ENTPD4: variants seen among roughly 807,000 people sequenced by gnomAD.
The protein encoded by ENTPD4 is Golgi UDPase.
In ENTPD4, 60 loss-of-function variants were observed where a neutral mutation model predicts 79.1. The observed-to-expected ratio is 0.76, with a 90% CI of 0.62 to 0.94. The LOEUF (loss-of-function observed/expected upper bound fraction) is 0.94, where lower values mean the gene tolerates loss of function less well. Ranked by LOEUF, ENTPD4 falls within the 40% of genes least tolerant of loss-of-function variation. The probability of loss-of-function intolerance (pLI) is 0.00; values close to 1 mark genes in which losing one functional copy is unlikely to be tolerated. For synonymous variants in ENTPD4, 276 were observed against 292.0 expected (o/e 0.95, Z 0.56); for missense variants, 772 against 775.1 (o/e 1.00, Z 0.05).
intron 10 of ENTPD4, among the ~76,000 whole-genome samples, chr8:23,436,148 G>A (rs1374542795): frequency 1.3e-5 from 2 of 152,212 alleles, no homozygotes; most frequent in Non-Finnish European, 2.9e-5. Context: ...CATGGACACA[G>A]AGAAGTCGCG....
At chr8:23,433,302 A>G (rs1216337121) in intron 12 of ENTPD4, 148 bp from the exon 13 acceptor site, 9 of 628,194 alleles carry the variant, frequency 1.4e-5, no homozygotes. Flanking sequence ...GAACAGCCCA[A>G]TGCAGGGGGC....
intron 10 of ENTPD4, among the ~76,000 whole-genome samples, chr8:23,436,675 A>G (rs550263825): frequency 1.3e-5 from 2 of 152,222 alleles, no homozygotes; most frequent in Non-Finnish European, 1.5e-5. Flanking sequence ...CAAAAATGAC[A>G]TAAAAGACTG....
chr8:23,439,619 T>TG, intron 9 of ENTPD4, 130 bp downstream of exon 9: 2 of 815,594 alleles, frequency 2.5e-6, no homozygotes, highest in Non-Finnish European at 4.0e-6. Flanking sequence ...GCTCAGCTAG[T>TG]GGGGGAATAA....
intron 2 of ENTPD4, among the ~76,000 whole-genome samples, chr8:23,449,278 A>C (rs1335092206): frequency 6.6e-6 from 1 of 152,204 alleles, no homozygotes; most frequent in Non-Finnish European, 1.5e-5. Flanking sequence ...TAAATATATA[A>C]ATCGATCATG....
Position 23,447,666 on chromosome 8 carries a change from T to C in ENTPD4, c.412+14A>G, listed in dbSNP as rs778709855. On this transcript the variant is annotated intron_variant, in intron 4 of 12. Transcript: ENST00000358689. ...CACACCCTGGTTACCAGGCAGATGT[T>C]CTCATTTACATACCCGGTTTTATCT... 6.2e-7 allele frequency: 1 copy of C among 1,604,960 alleles called. No individual in the cohort carries two copies. Among genetic ancestry groups the C allele is most frequent in the South Asian group, 1.1e-5 (1 of 90,910 alleles).
chr8:23,432,356 A>G lies in ENTPD4; in HGVS notation c.*570T>C, dbSNP rs986246750. On this transcript the variant is annotated 3_prime_UTR_variant, in exon 13 of 13. Transcript: ENST00000358689. ...TGTGTTTAAATTTAACATTCCTTAG[A>G]GAAACCCCAGAAATCTCATTTATTT... is the stretch of plus-strand genomic sequence containing the variant. 1.0e-6 allele frequency: 1 copy of G among 985,534 alleles called. No homozygotes were observed. Among genetic ancestry groups the G allele is most frequent in the Non-Finnish European group, 1.2e-6 (1 of 830,136 alleles). 61.0% of individuals were successfully genotyped at this position (985,534 alleles called of 1,614,324 possible).
At position 23,433,137 on chromosome 8, in the gene ENTPD4, GCCT is replaced by G; in HGVS notation, c.1637_1639del (p.Glu546del). ...CCAGTGGGTGTGACTGGCTCGGAAGGCCTCCTGCTGGATGTCTCTGCCCATGTG... is the reference window on the plus strand; with the variant it reads ...CCAGTGGGTGTGACTGGCTCGGAAGGCCTGCTGGATGTCTCTGCCCATGTG... On this transcript the variant is annotated inframe_deletion, in exon 13 of 13. Coordinates refer to ENST00000358689, the MANE Select transcript of ENTPD4 (RefSeq NM_004901.5). 1 of 1,614,144 alleles carries G rather than the reference GCCT, an allele frequency of 6.2e-7. No individual in the cohort carries two copies. The highest frequency in any genetic ancestry group is 1.3e-5 in the African/African-American group (1 of 75,050).
chr8:23,442,306 G>A (rs1800686960), intron 6 of ENTPD4, among the ~76,000 whole-genome samples: 1 of 152,176 alleles, frequency 6.6e-6, no homozygotes, highest in African/African-American at 2.4e-5. Flanking sequence ...TACGCTAGGT[G>A]CCAGTTTTCT....
At chr8:23,441,317 A>T (rs995513520) in intron 8 of ENTPD4, 1 of 538,896 alleles carries the variant, frequency 1.9e-6, no homozygotes, top group African/African-American at 2.1e-5. Context: ...CTGAAACTCA[A>T]GCATGCGACT....
chr8:23,431,233 A>G lies in ENTPD4; in HGVS notation c.*1693T>C. The G allele has an allele frequency of 1.6e-6, 1 of 624,180 alleles. No individual in the cohort carries two copies. The allele number at this position is 624,180 out of a possible 1,614,324, so 38.7% of individuals were successfully genotyped here. A position where few individuals can be genotyped will look rare whatever the true frequency, so the allele number is the denominator to read the frequency against. ...CTCTCCTGTTTCTCCAAACTCTCCC[A>G]GCCTCTGCCCAGTACCTAGTTCCAA... On this transcript the variant is annotated 3_prime_UTR_variant, in exon 13 of 13. Coordinates refer to ENST00000358689, the MANE Select transcript of ENTPD4 (RefSeq NM_004901.5).
chr8:23,436,834 C>T, intron 10 of ENTPD4, 100 bp downstream of exon 10: 3 of 972,378 alleles, frequency 3.1e-6, no homozygotes, highest in Non-Finnish European at 4.6e-6. Flanking sequence ...GCCTTCTATA[C>T]TCCGTCTTTC....
intron 1 of ENTPD4, 59 bp from the exon 2 acceptor site, chr8:23,450,056 T>C: frequency 1.2e-6 from 1 of 855,756 alleles, no homozygotes; most frequent in South Asian, 1.5e-5. Flanking sequence ...ACATCTACGT[T>C]CTTTAAGTGT....
rs370015860 is a variant in ENTPD4, at chr8:23,429,664, T to A, written c.*3262A>T. On this transcript the variant is annotated 3_prime_UTR_variant, in exon 13 of 13. Transcript: ENST00000358689. ...TATCTGTTTATCCAGAGTTTGTTAA[T>A]CTAGAGTACACAGATGTGGAAAACT... 3,062 of 985,398 alleles carry A rather than the reference T, an allele frequency of 3.1e-3. 4 individuals carry two copies. Among genetic ancestry groups the A allele is most frequent in the Middle Eastern group, 6.3e-3 (12 of 1,914 alleles). 61.0% of individuals were successfully genotyped at this position (985,398 alleles called of 1,614,324 possible). A position where few individuals can be genotyped will look rare whatever the true frequency, so the allele number is the denominator to read the frequency against.
Position 23,431,526 on chromosome 8 carries a change from T to G in ENTPD4, c.*1400A>C. ...TGGCTTAAATTGTCGAATTTTTTCC[T>G]TCAAAATGTGAATTTATTTCCTGTA... is the stretch of plus-strand genomic sequence containing the variant. On this transcript the variant is annotated 3_prime_UTR_variant, in exon 13 of 13. Transcript: ENST00000358689. 1 of 985,382 alleles carries G rather than the reference T, an allele frequency of 1.0e-6. No homozygotes were observed. The highest frequency in any genetic ancestry group is 1.2e-6 in the Non-Finnish European group (1 of 829,934). The allele number at this position is 985,382 out of a possible 1,614,324, so 61.0% of individuals were successfully genotyped here. A position where few individuals can be genotyped will look rare whatever the true frequency, so the allele number is the denominator to read the frequency against.
intron 6 of ENTPD4, 101 bp downstream of exon 6, chr8:23,443,749 T>C: frequency 1.6e-6 from 1 of 635,200 alleles, no homozygotes; most frequent in East Asian, 2.8e-5. Context: ...ATTTCCCAAA[T>C]GTTAAGACAA....
chr8:23,429,675 C>G lies in ENTPD4; in HGVS notation c.*3251G>C. The G allele has an allele frequency of 1.0e-6, 1 of 985,364 alleles. No individual in the cohort carries two copies. The allele number at this position is 985,364 out of a possible 1,614,324, so 61.0% of individuals were successfully genotyped here. ...CCAGAGTTTGTTAATCTAGAGTACA[C>G]AGATGTGGAAAACTGGTGGTGAAAA... On this transcript the variant is annotated 3_prime_UTR_variant, in exon 13 of 13. Coordinates refer to ENST00000358689, the MANE Select transcript of ENTPD4 (RefSeq NM_004901.5).
At chr8:23,452,615 T>A (rs553489278) in intron 1 of ENTPD4, among the ~76,000 whole-genome samples, 1 of 152,338 alleles carries the variant, frequency 6.6e-6, no homozygotes, top group South Asian at 2.1e-4. Context: ...AACACTGACA[T>A]CATCGCAGAA....
chr8:23,448,421 T>C (rs1360749947), intron 3 of ENTPD4, among the ~76,000 whole-genome samples: 1 of 152,182 alleles, frequency 6.6e-6, no homozygotes, highest in African/African-American at 2.4e-5. Context: ...TAATCACCAA[T>C]GCGATGCTAT....
chr8:23,432,851 C>T lies in ENTPD4; in HGVS notation c.*75G>A. The T allele has an allele frequency of 6.8e-7, 1 of 1,464,486 alleles. No individual in the cohort carries two copies. 90.7% of individuals were successfully genotyped at this position (1,464,486 alleles called of 1,614,324 possible). A position where few individuals can be genotyped will look rare whatever the true frequency, so the allele number is the denominator to read the frequency against. ...AAAAGGGAAAGAAAAAACAAAACCA[C>T]AGGAAAATAAAGAGGAGAAACCCTG... is the stretch of plus-strand genomic sequence containing the variant. On this transcript the variant is annotated 3_prime_UTR_variant, in exon 13 of 13. Coordinates refer to ENST00000358689, the MANE Select transcript of ENTPD4 (RefSeq NM_004901.5).
Sources: gnomAD v4.1 joint callset for allele counts (sites outside exome capture counted in the v4.1 genomes callset) on GRCh38, gnomAD v4.1.1 for gene constraint, MANE v1.5 for transcripts, NCBI Gene and HGNC (gene_info 2026-07-23, HGNC 2026-07-21) for gene names.